The following MUC4 variants were observed in gnomAD, a reference collection of about 807,000 sequenced individuals.
The protein encoded by MUC4 is mucin 4, cell surface associated.
A neutral mutation model predicts 257.9 loss-of-function variants in MUC4; 202 were observed. That is an observed-to-expected ratio of 0.78 (90% CI 0.70 to 0.88). The LOEUF (loss-of-function observed/expected upper bound fraction) is 0.88, where lower values mean the gene tolerates loss of function less well. Among genes scored for constraint, MUC4 ranks in the 40% least tolerant of loss-of-function variants. MUC4 has a pLI of 0.00. For missense variants in MUC4, 5,976 were observed against 6,513.7 expected (o/e 0.92, Z 2.84); for synonymous variants, 2,351 against 2,757.1 (o/e 0.85, Z 4.62).
chr3:195,754,748 A>G (rs538545182), intron 18 of MUC4, among the ~76,000 whole-genome samples: 3 of 152,362 alleles, frequency 2.0e-5, no homozygotes, highest in Middle Eastern at 3.4e-3. Context: ...GTATAGATGT[A>G]TGTATCCATG....
At position 195,774,244 on chromosome 3, in the gene MUC4, C is replaced by T. The variant is rs141952289; in HGVS notation, c.13005G>A (p.Val4335=). 2.5e-6 allele frequency: 4 copies of T among 1,603,096 alleles called. No homozygotes were observed. The highest frequency in any genetic ancestry group is 1.4e-5 in the African/African-American group (1 of 73,980). The change falls in exon 4 of 25, where the codon GTG becomes GTA. Residue 4335 remains valine, a synonymous_variant. Coordinates refer to ENST00000463781, the MANE Select transcript of MUC4 (RefSeq NM_018406.7). ...GCTTGAAGAGTGGGGAGGTGAAGTC[C>T]ACGGTCCTCCTGACGAACTCCAGGT... The part of the protein sequence containing the change: ...AGDLEFVRRT[V]DFTSPLFKPA...
rs267599750 is a variant in MUC4, at chr3:195,769,093, G to C, written c.13458C>G (p.Leu4486=). The change falls in exon 7 of 25, where the codon CTC becomes CTG. Residue 4486 remains leucine (L), a synonymous_variant. Coordinates refer to ENST00000463781, the MANE Select transcript of MUC4 (RefSeq NM_018406.7). ...CCCACTGCATCCCACCGCTCTGGTA[G>C]AGAAACAGGGCATAGGACCTGCTCC... ...TDGSRSYALF[L]YQSGGMQWDV... is the part of the protein sequence containing the mutation. 9.9e-6 allele frequency: 16 copies of C among 1,614,034 alleles called. No individual in the cohort carries two copies. The highest frequency in any genetic ancestry group is 1.4e-5 in the Non-Finnish European group (16 of 1,180,020).
At position 195,767,660 on chromosome 3, in the gene MUC4, C is replaced by T. The variant is rs1357885646; in HGVS notation, c.13530-909G>A. Among the ~76,000 whole-genome samples the T allele has an allele frequency of 4.6e-4, 32 of 69,650 alleles. 1 individual carries two copies. Among genetic ancestry groups the T allele is most frequent in the African/African-American group, 1.4e-3 (12 of 8,552 alleles). The allele number at this position is 69,650 out of a possible 152,430, so 45.7% of individuals were successfully genotyped here. Reference sequence around the variant, plus strand: ...ACCACCATCGCCACCACCACCACCACCACCATCACCATCACCACCATCACT... The same window carrying T: ...ACCACCATCGCCACCACCACCACCATCACCATCACCATCACCACCATCACT... On this transcript the variant is annotated intron_variant, in intron 7 of 24. Transcript: ENST00000463781.
Position 195,789,771 on chromosome 3 carries a change from A to G in MUC4, c.1809T>C (p.Asp603=), listed in dbSNP as rs761523403. 1.9e-6 allele frequency: 3 copies of G among 1,613,970 alleles called. No homozygotes were observed. Among genetic ancestry groups the G allele is most frequent in the Non-Finnish European group, 2.5e-6 (3 of 1,179,868 alleles). The part of the protein sequence containing the change: ...ATSPSSSPML[D]RHTSQQITTA... ...TTGTAATTTGTTGGGATGTGTGTCTATCCAGCATAGGTGAAGAAGATGGGG... is the reference window on the plus strand; with the variant it reads ...TTGTAATTTGTTGGGATGTGTGTCTGTCCAGCATAGGTGAAGAAGATGGGG... Residue 603 remains aspartate (D), a synonymous_variant, in exon 2 of 25, where the codon GAT becomes GAC. Transcript: ENST00000463781.
At chr3:195,796,860 A>C (rs989228909) in intron 1 of MUC4, among the ~76,000 whole-genome samples, 2 of 152,220 alleles carry the variant, frequency 1.3e-5, no homozygotes, top group African/African-American at 4.8e-5. Flanking sequence ...AAGGTTGGAA[A>C]CCAAAGATAG....
rs766647266 is a variant in MUC4 at position 195,783,039 on chromosome 3, G to T, written c.8541C>A (p.Thr2847=). The T allele has an allele frequency of 1.0e-5, 11 of 1,093,954 alleles. No homozygotes were observed. Among genetic ancestry groups the T allele is most frequent in the South Asian group, 6.1e-5 (4 of 65,874 alleles). The allele number at this position is 1,093,954 out of a possible 1,614,324, so 67.8% of individuals were successfully genotyped here. A position where few individuals can be genotyped will look rare whatever the true frequency, so the allele number is the denominator to read the frequency against. Reference sequence around the variant, plus strand: ...AGGAAGCGTCGGTGACAGGAAGAGGGGTGGTGTGACCTGAGGATGCTGAGG... The same window carrying T: ...AGGAAGCGTCGGTGACAGGAAGAGGTGTGGTGTGACCTGAGGATGCTGAGG... ...IPSSASSGHT[T]PLPVTDASSV... The change falls in exon 2 of 25, where the codon ACC becomes ACA. Residue 2847 remains threonine, a synonymous_variant. Transcript: ENST00000463781.
In MUC4 at chr3:195,778,333, C is replaced by A. The variant is rs976195057; in HGVS notation, c.12913G>T (p.Ala4305Ser). The A allele has an allele frequency of 6.2e-7, 1 of 1,612,058 alleles. No individual in the cohort carries two copies. Among genetic ancestry groups the A allele is most frequent in the Non-Finnish European group, 8.5e-7 (1 of 1,179,672 alleles). Residue 4305 changes from alanine (A) to serine (S), a missense_variant, in exon 3 of 25, where the codon GCT becomes TCT. Ala to Ser is a moderately conservative substitution (Grantham distance 99). Coordinates refer to ENST00000463781, the MANE Select transcript of MUC4 (RefSeq NM_018406.7). ...PSTAMHTRST[A>S]APIPILPERG... ...TCAGGCAGGATGGGGATGGGGGCAG[C>A]TGTGGAGCGGGTGTGCATGGCAGTG...
chr3:195,774,309 G>A lies in MUC4; in HGVS notation c.12944-4C>T. The A allele has an allele frequency of 1.3e-6, 2 of 1,537,932 alleles. No individual in the cohort carries two copies. The highest frequency in any genetic ancestry group is 1.7e-6 in the Non-Finnish European group (2 of 1,146,378). On this transcript the variant is annotated splice_polypyrimidine_tract_variant and splice_region_variant and intron_variant, in intron 3 of 24. Transcript: ENST00000463781. ...CCATAGGGGAAGAGGGAAACTCCTG[G>A]GCCAGGACAGAGAAGAGCAGGAAGT...
In MUC4 at chr3:195,781,122, G is replaced by C; in HGVS notation, c.10458C>G (p.Thr3486=). 1.3e-6 allele frequency: 2 copies of C among 1,482,124 alleles called. No homozygotes were observed. The highest frequency in any genetic ancestry group is 1.8e-6 in the Non-Finnish European group (2 of 1,102,962). The allele number at this position is 1,482,124 out of a possible 1,614,324, so 91.8% of individuals were successfully genotyped here. A position where few individuals can be genotyped will look rare whatever the true frequency, so the allele number is the denominator to read the frequency against. Residue 3486 remains threonine, a synonymous_variant, in exon 2 of 25, where the codon ACC becomes ACG. Coordinates refer to ENST00000463781, the MANE Select transcript of MUC4 (RefSeq NM_018406.7). ...TSPSSASTGH[T]TPLHVTIPSS... is the part of the protein sequence containing the mutation. The stretch of plus-strand genomic sequence containing the variant: ...AAGGGATGGTGACATGAAGAGGGGT[G>C]GTGTGACCTGTAGATGCTGAGGAAG...
chr3:195,768,024 G>T (rs1431450356), intron 7 of MUC4, among the ~76,000 whole-genome samples: 1 of 151,786 alleles, frequency 6.6e-6, no homozygotes, highest in Non-Finnish European at 1.5e-5. Context: ...AAGGAGGAAA[G>T]CCTGGAGCAG....
rs78889074 is a variant in MUC4 at position 195,766,712 on chromosome 3, C to T, written c.13569G>A (p.Gln4523=). The T allele has an allele frequency of 1.4e-5, 23 of 1,614,198 alleles. No individual in the cohort carries two copies. The South Asian group carries it at 1.8e-4, about 12-fold the overall frequency. The change falls in exon 8 of 25, where the codon CAG becomes CAA. Residue 4523 remains glutamine (Q), a synonymous_variant. Coordinates refer to ENST00000463781, the MANE Select transcript of MUC4 (RefSeq NM_018406.7). ...GYFENSPLMS[Q]PVWERYRPDR... ...CAGGGCGATACCTCTCCCACACTGGCTGGGACATCAGTGGGCTGTTTTCGA... is the reference window on the plus strand; with the variant it reads ...CAGGGCGATACCTCTCCCACACTGGTTGGGACATCAGTGGGCTGTTTTCGA...
rs1467359690 is a variant in MUC4, at chr3:195,762,093, G to C, written c.14506C>G (p.Leu4836Val). The change falls in exon 14 of 25, where the codon CTC becomes GTC. Residue 4836 changes from leucine to valine, a missense_variant. Leu to Val is a conservative substitution (Grantham distance 32). Transcript: ENST00000463781. Reference protein sequence around the residue: ...PPEYQNRTEGLLGVWNNNPED... With the variant: ...PPEYQNRTEGVLGVWNNNPED... ...AGGTCCGAGCCGCCCTCACCCAGGA[G>C]CCCCTCCGTGCGGTTCTGGTACTCG... The C allele has an allele frequency of 4.4e-6, 7 of 1,596,790 alleles. No individual in the cohort carries two copies. The highest frequency in any genetic ancestry group is 5.1e-6 in the Non-Finnish European group (6 of 1,174,926).
chr3:195,763,784 C>A (rs912771043), intron 11 of MUC4, 143 bp from the exon 12 acceptor site: 4 of 1,039,326 alleles, frequency 3.8e-6, no homozygotes, highest in East Asian at 2.7e-5. Context: ...CTTGTCCGGG[C>A]GGACTCAGCT....
At chr3:195,763,819 A>T (rs1719779087) in intron 11 of MUC4, among the ~76,000 whole-genome samples, 178 bp from the exon 12 acceptor site, 1 of 151,980 alleles carries the variant, frequency 6.6e-6, no homozygotes, top group African/African-American at 2.4e-5. Context: ...AGAGCACAGA[A>T]TCCTCCCCTC....
At chr3:195,805,777 A>T (rs964247361) in intron 1 of MUC4, among the ~76,000 whole-genome samples, 2 of 150,848 alleles carry the variant, frequency 1.3e-5, no homozygotes, top group Non-Finnish European at 3.0e-5. Flanking sequence ...GATGACAGCC[A>T]TGAGTCACTG....
chr3:195,811,912 C>G lies in MUC4; in HGVS notation c.-95G>C. On this transcript the variant is annotated 5_prime_UTR_variant, in exon 1 of 25. Transcript: ENST00000463781. ...GACGTGAGCCCGTCCCCTCAGGCGG[C>G]TGGCCCGAACCAAGTGCGTTTCTCC... 1 of 1,251,872 alleles carries G rather than the reference C, an allele frequency of 8.0e-7. No individual in the cohort carries two copies. The highest frequency in any genetic ancestry group is 1.4e-5 in the South Asian group (1 of 72,974). The allele number at this position is 1,251,872 out of a possible 1,614,324, so 77.5% of individuals were successfully genotyped here.
Position 195,770,301 on chromosome 3 carries a change from G to A in MUC4, c.13313C>T (p.Thr4438Ile), listed in dbSNP as rs1722521051. The change falls in exon 6 of 25, where the codon ACA becomes ATA. Residue 4438 changes from threonine to isoleucine, a missense_variant. This residue lies in a region of MUC4 where 996 missense variants were observed against 1,137.3 expected (regional missense o/e 0.88). Coordinates refer to ENST00000463781, the MANE Select transcript of MUC4 (RefSeq NM_018406.7). ...QQAESWIRKM[T>I]NNGGYKARWA... is the part of the protein sequence containing the mutation. ...CCTGGCCTTGTAGCCCCCGTTGTTT[G>A]TCATCTTTCTAATCCAAGACTCGGC... 4.3e-6 allele frequency: 7 copies of A among 1,614,100 alleles called. No homozygotes were observed. The highest frequency in any genetic ancestry group is 5.1e-6 in the Non-Finnish European group (6 of 1,179,990).
intron 1 of MUC4, among the ~76,000 whole-genome samples, chr3:195,808,770 A>T (rs538864792): frequency 6.6e-6 from 1 of 152,008 alleles, no homozygotes; most frequent in African/African-American, 2.4e-5. Context: ...TTGTCCAGGG[A>T]TCCTTTCCTT....
At position 195,782,503 on chromosome 3, in the gene MUC4, T is replaced by A. The variant is rs1348726727; in HGVS notation, c.9077A>T (p.His3026Leu). ...SISTGHATPLHVTSPSSASTG... is the reference protein window; with the variant it reads ...SISTGHATPLLVTSPSSASTG... ...GGATGCTGAGGAAGGGCTGGTGACATGAAGAGGGGTGGCGTGACCTGTGGA... is the reference window on the plus strand; with the variant it reads ...GGATGCTGAGGAAGGGCTGGTGACAAGAAGAGGGGTGGCGTGACCTGTGGA... Residue 3026 changes from histidine to leucine, a missense_variant, in exon 2 of 25, where the codon CAT (histidine) becomes CTT (leucine). His to Leu is a moderately conservative substitution (Grantham distance 99, BLOSUM62 -3). Coordinates refer to ENST00000463781, the MANE Select transcript of MUC4 (RefSeq NM_018406.7). 1.1e-6 allele frequency: 1 copy of A among 893,000 alleles called. No individual in the cohort carries two copies. The highest frequency in any genetic ancestry group is 3.1e-5 in the South Asian group (1 of 32,648). 55.3% of individuals were successfully genotyped at this position (893,000 alleles called of 1,614,324 possible).
Sources: gnomAD v4.1 joint callset for allele counts (sites outside exome capture counted in the v4.1 genomes callset) on GRCh38, gnomAD v4.1.1 for gene constraint, gnomAD v4.1.1 regional missense constraint, MANE v1.5 for transcripts, NCBI Gene and HGNC (gene_info 2026-07-23, HGNC 2026-07-21) for gene names.